Variants in ADGRL3 observed in about 807,000 individuals in gnomAD.
ADGRL3 encodes calcium-independent alpha-latrotoxin receptor 3.
A neutral mutation model predicts 153.5 loss-of-function variants in ADGRL3; 62 were observed. That is an observed-to-expected ratio of 0.40 (90% CI 0.33 to 0.50). ADGRL3 has a LOEUF of 0.50. Among genes scored for constraint, ADGRL3 ranks in the 20% least tolerant of loss-of-function variants. The probability of loss-of-function intolerance (pLI) is 0.47; values close to 1 mark genes in which losing one functional copy is unlikely to be tolerated. For missense variants in ADGRL3, 1,641 were observed against 1,859.4 expected (o/e 0.88, Z 2.16); for synonymous variants, 710 against 672.5 (o/e 1.06, Z -0.86).
At chr4:61,463,797 G>A (rs1457595623) in intron 2 of ADGRL3, among the ~76,000 whole-genome samples, 4 of 152,188 alleles carry the variant, frequency 2.6e-5, no homozygotes, top group Non-Finnish European at 5.9e-5. Context: ...GGGTGGGTAT[G>A]AGGGTTATCT....
chr4:61,343,140 A>AT (rs1246645038), intron 1 of ADGRL3, among the ~76,000 whole-genome samples: 1 of 152,168 alleles, frequency 6.6e-6, no homozygotes, highest in Non-Finnish European at 1.5e-5. Flanking sequence ...TCCCCCTAAA[A>AT]CACATGGGAA....
chr4:61,312,235 G>C (rs982196475), intron 1 of ADGRL3, among the ~76,000 whole-genome samples: 5 of 152,044 alleles, frequency 3.3e-5, no homozygotes, highest in Non-Finnish European at 7.4e-5. Flanking sequence ...TAAAAAATGA[G>C]TCTAGACACA....
chr4:61,669,788 C>G (rs184951597), intron 5 of ADGRL3, among the ~76,000 whole-genome samples: 1 of 152,108 alleles, frequency 6.6e-6, no homozygotes. Flanking sequence ...TCTTTTTTAA[C>G]ATTATCCTAC....
At chr4:62,061,333 G>A (rs891357760) in intron 25 of ADGRL3, among the ~76,000 whole-genome samples, 9 of 151,806 alleles carry the variant, frequency 5.9e-5, no homozygotes, top group East Asian at 3.9e-4. Context: ...AAATAATACC[G>A]AGAAATATTG....
intron 1 of ADGRL3, among the ~76,000 whole-genome samples, chr4:61,218,241 C>T (rs1743761743): frequency 6.6e-6 from 1 of 152,004 alleles, no homozygotes; most frequent in African/African-American, 2.4e-5. Context: ...GAGGAAGAGT[C>T]CTATAATAGA....
At chr4:61,779,119 T>C (rs1287080324) in intron 8 of ADGRL3, among the ~76,000 whole-genome samples, 1 of 152,122 alleles carries the variant, frequency 6.6e-6, no homozygotes, top group Non-Finnish European at 1.5e-5. Context: ...TGTTATGTAA[T>C]TATTTGGGGA....
At chr4:61,300,412 A>G (rs1279970375) in intron 1 of ADGRL3, among the ~76,000 whole-genome samples, 1 of 152,228 alleles carries the variant, frequency 6.6e-6, no homozygotes, top group Non-Finnish European at 1.5e-5. Context: ...GGAAAATTGC[A>G]GAGTGTGTAA....
At chr4:61,511,671 G>A (rs954124569) in intron 3 of ADGRL3, among the ~76,000 whole-genome samples, 7 of 151,716 alleles carry the variant, frequency 4.6e-5, no homozygotes, top group African/African-American at 1.7e-4. Flanking sequence ...TATGAAACAA[G>A]GTAGTCTAGA....
chr4:61,298,417 T>C (rs1257409113), intron 1 of ADGRL3, among the ~76,000 whole-genome samples: 1 of 152,196 alleles, frequency 6.6e-6, no homozygotes, highest in East Asian at 1.9e-4. Context: ...TTCCTCCTTA[T>C]CCAGTTTTTG....
In ADGRL3 at chr4:61,456,529, C is replaced by T. The variant is rs1241661936; in HGVS notation, c.-173-40592C>T. Among the ~76,000 whole-genome samples the T allele has an allele frequency of 2.8e-5, 4 of 143,840 alleles. No individual in the cohort carries two copies. The East Asian group carries it at 6.0e-4, about 22-fold the overall frequency. 94.4% of individuals were successfully genotyped at this position (143,840 alleles called of 152,430 possible). ...TATATATATAACTATATATACGTCA[C>T]ACTAAAGGTGCTCAGTGACTTACTT... On this transcript the variant is annotated intron_variant, in intron 2 of 26. Coordinates refer to ENST00000683033, the MANE Select transcript of ADGRL3 (RefSeq NM_001387552.1).
intron 8 of ADGRL3, among the ~76,000 whole-genome samples, chr4:61,778,313 G>C (rs1165664353): frequency 6.6e-6 from 1 of 152,152 alleles, no homozygotes; most frequent in Non-Finnish European, 1.5e-5. Flanking sequence ...TTTCAGAGAA[G>C]GAATACTCAA....
intron 21 of ADGRL3, among the ~76,000 whole-genome samples, chr4:62,000,708 T>G (rs1035768704): frequency 1.3e-5 from 2 of 152,122 alleles, no homozygotes; most frequent in Non-Finnish European, 2.9e-5. Context: ...AAAAATTTAG[T>G]AAATGAAGAA....
At chr4:61,770,390 A>C (rs925415327) in intron 8 of ADGRL3, among the ~76,000 whole-genome samples, 1 of 152,190 alleles carries the variant, frequency 6.6e-6, no homozygotes, top group Non-Finnish European at 1.5e-5. Flanking sequence ...CATAGCAAAA[A>C]GATCACCCGC....
chr4:61,818,089 A>G (rs1208446038), intron 9 of ADGRL3, among the ~76,000 whole-genome samples: 2 of 152,192 alleles, frequency 1.3e-5, no homozygotes, highest in Admixed American at 1.3e-4. Context: ...TAAAAAGTCC[A>G]CAGTCCAAAC....
At chr4:61,833,749 A>G (rs993229406) in intron 9 of ADGRL3, among the ~76,000 whole-genome samples, 5 of 152,158 alleles carry the variant, frequency 3.3e-5, no homozygotes, top group Non-Finnish European at 5.9e-5. Context: ...TAGTCCTACA[A>G]AGGCAAACTA....
intron 5 of ADGRL3, among the ~76,000 whole-genome samples, chr4:61,672,381 C>T (rs755116345): frequency 4.6e-5 from 7 of 151,864 alleles, no homozygotes; most frequent in Non-Finnish European, 8.8e-5. Flanking sequence ...GATTAATTTC[C>T]GGGCTATCTA....
intron 1 of ADGRL3, among the ~76,000 whole-genome samples, chr4:61,358,393 C>G (rs541316656): frequency 5.9e-5 from 9 of 151,808 alleles, no homozygotes; most frequent in South Asian, 4.2e-4. Flanking sequence ...GTCAGGAGAT[C>G]GAGACCATCC....
intron 1 of ADGRL3, among the ~76,000 whole-genome samples, chr4:61,331,207 T>G (rs2095565712): frequency 6.6e-6 from 1 of 152,302 alleles, no homozygotes; most frequent in Non-Finnish European, 1.5e-5. Context: ...ATTATAACTC[T>G]AGTATAAATA....
chr4:61,768,059 T>A (rs1580728758), intron 8 of ADGRL3, among the ~76,000 whole-genome samples: 1 of 152,186 alleles, frequency 6.6e-6, no homozygotes, highest in African/African-American at 2.4e-5. Context: ...TGTCTCAGGG[T>A]TGCTGCCAAA....
Sources: allele counts gnomAD v4.1 joint callset (sites outside exome capture counted in the v4.1 genomes callset), GRCh38; gene constraint gnomAD v4.1.1; transcripts MANE v1.5; gene names NCBI Gene and HGNC (gene_info 2026-07-23, HGNC 2026-07-21).